Variants in NRXN3 observed in about 807,000 individuals in gnomAD.
NRXN3 encodes neurexin III.
NRXN3 carries 32 observed loss-of-function variants against 137.6 expected under a neutral mutation model. The ratio of observed to expected loss-of-function variants is 0.23; its 90% CI spans 0.18 to 0.31. The LOEUF (loss-of-function observed/expected upper bound fraction) is 0.31. NRXN3 is among the 10% of genes least tolerant of loss of function. The pLI, the probability that NRXN3 is intolerant of heterozygous loss-of-function variation, is 1.00. For synonymous variants in NRXN3, 798 were observed against 784.5 expected, an observed-to-expected ratio of 1.02 and a Z score of -0.29; for missense variants, 1,574 against 2,062.5, an observed-to-expected ratio of 0.76 and a Z score of 4.59.
At chr14:79,420,759 T>C (rs1600052095) in intron 15 of NRXN3, among the ~76,000 whole-genome samples, 1 of 152,344 alleles carries the variant, frequency 6.6e-6, no homozygotes, top group East Asian at 1.9e-4. Flanking sequence ...GTAATCTATT[T>C]ATATCAACCT....
chr14:79,742,204 A>AC (rs11429704), intron 19 of NRXN3, among the ~76,000 whole-genome samples: 97,539 of 152,056 alleles, frequency 0.64, 32,361 homozygotes, highest in African/African-American at 0.79. Flanking sequence ...ATTATACACT[A>AC]CCTCTAAACT....
At chr14:78,498,431 A>G (rs1239737350) in intron 4 of NRXN3, among the ~76,000 whole-genome samples, 1 of 152,194 alleles carries the variant, frequency 6.6e-6, no homozygotes, top group Non-Finnish European at 1.5e-5. Context: ...CAGGCCAGAC[A>G]GGTGGGATCC....
intron 17 of NRXN3, among the ~76,000 whole-genome samples, chr14:79,688,302 T>G (rs1326397956): frequency 6.6e-6 from 1 of 152,120 alleles, no homozygotes; most frequent in Non-Finnish European, 1.5e-5. Flanking sequence ...ACACAGCTAA[T>G]AAGTGATAAA....
chr14:78,768,416 T>C (rs963221617), intron 8 of NRXN3, among the ~76,000 whole-genome samples: 5 of 152,188 alleles, frequency 3.3e-5, no homozygotes, highest in Non-Finnish European at 7.3e-5. Flanking sequence ...ATACTATTGA[T>C]CTAAGACTTA....
At position 79,801,159 on chromosome 14, in the gene NRXN3, G is replaced by A. The variant is rs910579901; in HGVS notation, c.4015-3953G>A. ...GTTGGCTGTACCTCTAAGTGGTAAC[G>A]ATGAGGTCTGAAAGACACAAAGGAA... On this transcript the variant is annotated intron_variant, in intron 19 of 20. Transcript: ENST00000335750. Among the ~76,000 whole-genome samples, 4 of 152,140 alleles carry A rather than the reference G, an allele frequency of 2.6e-5. No homozygotes were observed. In the South Asian group the frequency reaches 6.2e-4, roughly 24 times the overall value.
intron 15 of NRXN3, among the ~76,000 whole-genome samples, chr14:79,225,991 A>T (rs2070790189): frequency 6.6e-6 from 1 of 152,082 alleles, no homozygotes; most frequent in Admixed American, 6.6e-5. Context: ...ATAATCCAGG[A>T]TTATCTCCCT....
chr14:78,263,052 T>TTG (rs986149713), intron 2 of NRXN3, among the ~76,000 whole-genome samples: 1 of 151,516 alleles, frequency 6.6e-6, no homozygotes, highest in Admixed American at 6.6e-5. Flanking sequence ...TGAAGTCACT[T>TTG]TTTTTTTAGT....
At chr14:79,225,266 C>T (rs2070636368) in intron 15 of NRXN3, among the ~76,000 whole-genome samples, 8 of 152,122 alleles carry the variant, frequency 5.3e-5, no homozygotes, top group Admixed American at 5.2e-4. Context: ...TTGAAAAAAT[C>T]CCTTACATGC....
intron 4 of NRXN3, among the ~76,000 whole-genome samples, chr14:78,304,066 G>A (rs2077126073): frequency 1.3e-5 from 2 of 152,210 alleles, no homozygotes; most frequent in South Asian, 4.1e-4. Context: ...CAACACTGAT[G>A]TTAGTAATGA....
chr14:79,374,219 A>T (rs926060826), intron 15 of NRXN3, among the ~76,000 whole-genome samples: 7 of 152,192 alleles, frequency 4.6e-5, no homozygotes, highest in Non-Finnish European at 8.8e-5. Flanking sequence ...TCAACTAAAA[A>T]TTAACTCATA....
intron 19 of NRXN3, among the ~76,000 whole-genome samples, chr14:79,723,835 C>T (rs2098860578): frequency 6.6e-6 from 1 of 152,110 alleles, no homozygotes; most frequent in South Asian, 2.1e-4. Context: ...TGATATGCAG[C>T]TAGAACGGCA....
chr14:79,368,748 T>A (rs541599532), intron 15 of NRXN3, among the ~76,000 whole-genome samples: 128 of 152,308 alleles, frequency 8.4e-4, no homozygotes, highest in African/African-American at 3.0e-3. Context: ...TAGACATCAG[T>A]CACCATCAGA....
chr14:78,234,508 A>G (rs1456827721), intron 1 of NRXN3, among the ~76,000 whole-genome samples: 1 of 152,176 alleles, frequency 6.6e-6, no homozygotes, highest in African/African-American at 2.4e-5. Flanking sequence ...CAGGTCTGAG[A>G]TTTGAACCCA....
chr14:79,168,529 T>C (rs903157795), intron 15 of NRXN3, among the ~76,000 whole-genome samples: 1 of 152,036 alleles, frequency 6.6e-6, no homozygotes, highest in African/African-American at 2.4e-5. Context: ...TTTTAGGTGC[T>C]TTTCTTTTTC....
At chr14:79,754,312 C>G (rs570056626) in intron 19 of NRXN3, among the ~76,000 whole-genome samples, 9 of 151,854 alleles carry the variant, frequency 5.9e-5, no homozygotes, top group Non-Finnish European at 1.0e-4. Flanking sequence ...TCACTTCACT[C>G]TGGCCTGGAC....
At chr14:79,227,588 C>T (rs1412209905) in intron 15 of NRXN3, among the ~76,000 whole-genome samples, 3 of 152,010 alleles carry the variant, frequency 2.0e-5, no homozygotes, top group Admixed American at 6.6e-5. Context: ...TCATTTTAAC[C>T]CAAATGAATA....
At chr14:79,721,965 G>A (rs560935931) in intron 19 of NRXN3, among the ~76,000 whole-genome samples, 76 of 152,174 alleles carry the variant, frequency 5.0e-4, no homozygotes, top group African/African-American at 1.7e-3. Flanking sequence ...GCTAAGTCAT[G>A]TTTAGTTCAG....
rs541147877 is a variant in NRXN3 at position 78,528,254 on chromosome 14, C to G, written c.758-116866C>G. Among the ~76,000 whole-genome samples, 64 of 152,264 alleles carry G rather than the reference C, an allele frequency of 4.2e-4. No individual in the cohort carries two copies. The East Asian group carries it at 9.7e-3, about 23-fold the overall frequency. On this transcript the variant is annotated intron_variant, in intron 4 of 20. Transcript: ENST00000335750. ...CTTTGCCTAGTTCCTGGCCCAGCGG[C>G]AAAGGAGGTGATTGATTTTCAGTGG...
intron 4 of NRXN3, among the ~76,000 whole-genome samples, chr14:78,581,711 C>G (rs975552317): frequency 6.6e-6 from 1 of 152,172 alleles, no homozygotes; most frequent in Non-Finnish European, 1.5e-5. Context: ...TTCCTCTGCT[C>G]TCTAAGACTG....
Sources: gnomAD v4.1 joint callset for allele counts (sites outside exome capture counted in the v4.1 genomes callset) on GRCh38, gnomAD v4.1.1 for gene constraint, MANE v1.5 for transcripts, NCBI Gene and HGNC (gene_info 2026-07-23, HGNC 2026-07-21) for gene names.